The following PCDHA12 variants were observed in gnomAD, a reference collection of about 807,000 sequenced individuals.
PCDHA12 encodes the protein protocadherin alpha-12.
A neutral mutation model predicts 60.0 loss-of-function variants in PCDHA12; 44 were observed. The observed-to-expected ratio is 0.73, with a 90% CI of 0.58 to 0.94. The LOEUF (loss-of-function observed/expected upper bound fraction) is 0.94, where lower values mean the gene tolerates loss of function less well. Ranked by LOEUF, PCDHA12 falls within the 40% of genes least tolerant of loss-of-function variation. The pLI is 0.00. For synonymous variants in PCDHA12, 569 were observed against 553.0 expected, an observed-to-expected ratio of 1.03 and a Z score of -0.40; for missense variants, 1,276 against 1,239.7, an observed-to-expected ratio of 1.03 and a Z score of -0.44.
intron 1 of PCDHA12, chr5:140,967,347 A>G: frequency 6.2e-7 from 1 of 1,608,324 alleles, no homozygotes; most frequent in South Asian, 1.1e-5. Flanking sequence ...GAGCACTTCG[A>G]GCTGGACCTT....
chr5:140,884,305 G>A (rs1223534357), intron 1 of PCDHA12: 2 of 1,613,602 alleles, frequency 1.2e-6, no homozygotes, highest in Non-Finnish European at 1.7e-6. Context: ...CACAGGCTTC[G>A]TCGAGGGCGT....
chr5:140,962,495 C>T (rs2153732507), intron 1 of PCDHA12, among the ~76,000 whole-genome samples: 1 of 152,240 alleles, frequency 6.6e-6, no homozygotes, highest in Admixed American at 6.5e-5. Context: ...AATTTTCAGA[C>T]ACCTCAGCCA....
intron 3 of PCDHA12, among the ~76,000 whole-genome samples, chr5:140,996,394 G>A (rs2097724789): frequency 6.6e-6 from 1 of 152,192 alleles, no homozygotes; most frequent in Non-Finnish European, 1.5e-5. Context: ...GCCTCATAGA[G>A]TTTCAGGTGG....
At chr5:140,934,528 G>C (rs782284913) in intron 1 of PCDHA12, among the ~76,000 whole-genome samples, 1 of 152,116 alleles carries the variant, frequency 6.6e-6, no homozygotes, top group African/African-American at 2.4e-5. Flanking sequence ...CACTTCGAGA[G>C]CTACCGTTCT....
intron 1 of PCDHA12, chr5:140,927,776 T>C (rs781966197): frequency 7.4e-6 from 12 of 1,614,140 alleles, no homozygotes; most frequent in South Asian, 1.1e-5. Flanking sequence ...GAGGTGCAAG[T>C]AGCTGCTTCA....
At chr5:140,991,843 T>G (rs2097475576) in intron 3 of PCDHA12, among the ~76,000 whole-genome samples, 1 of 152,194 alleles carries the variant, frequency 6.6e-6, no homozygotes, top group Admixed American at 6.6e-5. Context: ...GAACCGCACT[T>G]CCAGATACCA....
chr5:141,011,745 A>G lies in PCDHA12; in HGVS notation c.*1808A>G, dbSNP rs1378591918. 3 of 153,762 alleles carry G rather than the reference A, an allele frequency of 2.0e-5. No individual in the cohort carries two copies. The highest frequency in any genetic ancestry group is 1.9e-4 in the East Asian group (1 of 5,196). 9.5% of individuals were successfully genotyped at this position (153,762 alleles called of 1,614,324 possible). ...GGGTGTGCAAGCACAAATTTTACCA[A>G]TCTGACCTCTTTGAAGTTGCAGAAT... On this transcript the variant is annotated 3_prime_UTR_variant, in exon 4 of 4. Coordinates refer to ENST00000398631, the MANE Select transcript of PCDHA12 (RefSeq NM_018903.4).
intron 1 of PCDHA12, among the ~76,000 whole-genome samples, chr5:140,932,539 AT>A (rs782246299): frequency 3.3e-5 from 5 of 152,008 alleles, no homozygotes; most frequent in Admixed American, 2.0e-4. Context: ...AAGGTGCTTT[AT>A]TTAACATACA....
At chr5:140,961,690 C>T (rs573918307) in intron 1 of PCDHA12, among the ~76,000 whole-genome samples, 2 of 152,154 alleles carry the variant, frequency 1.3e-5, no homozygotes, top group African/African-American at 4.8e-5. Context: ...CGGAGTAGTC[C>T]TTAGTATGAA....
chr5:140,968,488 C>A, intron 1 of PCDHA12: 1 of 1,614,148 alleles, frequency 6.2e-7, no homozygotes, highest in South Asian at 1.1e-5. Context: ...ACATGAATGA[C>A]CATGCCCCTC....
intron 1 of PCDHA12, among the ~76,000 whole-genome samples, chr5:140,954,167 CT>C (rs1366012595): frequency 2.6e-5 from 4 of 152,212 alleles, no homozygotes; most frequent in African/African-American, 9.6e-5. Context: ...ACCACATTTT[CT>C]TTATCCAGTC....
At chr5:140,963,722 T>G (rs948660694) in intron 1 of PCDHA12, among the ~76,000 whole-genome samples, 2 of 152,242 alleles carry the variant, frequency 1.3e-5, no homozygotes, top group Non-Finnish European at 2.9e-5. Flanking sequence ...ACATATAGAC[T>G]GCCAACTAAG....
Position 140,877,728 on chromosome 5 carries a change from G to A in PCDHA12, c.2256G>A (p.Gln752=). The A allele has an allele frequency of 1.2e-6, 2 of 1,614,164 alleles. No homozygotes were observed. Among genetic ancestry groups the A allele is most frequent in the Non-Finnish European group, 1.7e-6 (2 of 1,180,026 alleles). Residue 752 remains glutamine (Q), a synonymous_variant, in exon 1 of 4, where the codon CAG becomes CAA. Coordinates refer to ENST00000398631, the MANE Select transcript of PCDHA12 (RefSeq NM_018903.4). The stretch of plus-strand genomic sequence containing the variant: ...CCGTGGGGAGTTGGTCTTACTCGCA[G>A]CAGAGGAGGCAGAGGGTGTGCTCTG... ...SSAVGSWSYS[Q]QRRQRVCSAE...
chr5:140,970,847 C>A (rs2096437224), intron 1 of PCDHA12, among the ~76,000 whole-genome samples: 1 of 149,802 alleles, frequency 6.7e-6, no homozygotes, highest in Non-Finnish European at 1.5e-5. Context: ...TGCACAGGCA[C>A]AAAAGTTCCA....
At chr5:140,883,226 G>T (rs572696678) in intron 1 of PCDHA12, 82 of 1,613,938 alleles carry the variant, frequency 5.1e-5, no homozygotes, top group South Asian at 4.2e-4. Flanking sequence ...TGAAATATCC[G>T]TGGAGGCAGT....
intron 1 of PCDHA12, among the ~76,000 whole-genome samples, chr5:140,973,515 T>G (rs1008643152): frequency 1.4e-4 from 21 of 152,232 alleles, no homozygotes; most frequent in African/African-American, 4.8e-4. Flanking sequence ...AAAAGTTTAT[T>G]TTCTTTGGTC....
chr5:140,973,513 A>G (rs2096591492), intron 1 of PCDHA12, among the ~76,000 whole-genome samples: 1 of 151,864 alleles, frequency 6.6e-6, no homozygotes, highest in Non-Finnish European at 1.5e-5. Context: ...GAAAAAGTTT[A>G]TTTTCTTTGG....
intron 1 of PCDHA12, chr5:140,884,570 G>A (rs1174925238): frequency 6.2e-7 from 1 of 1,614,074 alleles, no homozygotes; most frequent in Non-Finnish European, 8.5e-7. Flanking sequence ...GCATAAGACG[G>A]ACCTCATGGC....
intron 1 of PCDHA12, chr5:140,928,827 A>G (rs1554206364): frequency 6.2e-7 from 1 of 1,614,130 alleles, no homozygotes. Flanking sequence ...GAGACCCACC[A>G]CTTTCCTCCT....
Sources: allele counts gnomAD v4.1 joint callset (sites outside exome capture counted in the v4.1 genomes callset), GRCh38; gene constraint gnomAD v4.1.1; transcripts MANE v1.5; gene names NCBI Gene and HGNC (gene_info 2026-07-23, HGNC 2026-07-21).